The following PTPRC variants were observed in gnomAD, a reference collection of about 807,000 sequenced individuals.
PTPRC encodes the protein protein tyrosine phosphatase receptor type C.
PTPRC carries 44 observed loss-of-function variants against 155.9 expected under a neutral mutation model. The observed-to-expected ratio is 0.28, with a 90% confidence interval of 0.22 to 0.36. The LOEUF is 0.36. Ranked by LOEUF, PTPRC falls within the 10% of genes least tolerant of loss-of-function variation. The probability of loss-of-function intolerance (pLI) is 1.00; values close to 1 mark genes in which losing one functional copy is unlikely to be tolerated. For missense variants in PTPRC, 1,401 were observed against 1,564.6 expected (o/e 0.90, Z 1.76); for synonymous variants, 525 against 533.1 (o/e 0.98, Z 0.21).
intron 2 of PTPRC, among the ~76,000 whole-genome samples, chr1:198,656,980 A>G (rs1461153109): frequency 6.6e-6 from 1 of 151,520 alleles, no homozygotes; most frequent in Non-Finnish European, 1.5e-5. Flanking sequence ...ACTTGTGTTA[A>G]TAGAACATTC....
chr1:198,749,281 A>T, intron 27 of PTPRC, 135 bp from the exon 28 acceptor site: 1 of 856,294 alleles, frequency 1.2e-6, no homozygotes. Context: ...TTTATATAGG[A>T]TCTTATTTCA....
intron 9 of PTPRC, 105 bp downstream of exon 9, chr1:198,707,057 T>C (rs1045398130): frequency 2.2e-6 from 2 of 918,744 alleles, no homozygotes; most frequent in Non-Finnish European, 3.4e-6. Context: ...AGAACAGGGC[T>C]GAGGGAAAGG....
chr1:198,740,271 T>G (rs1292510817), intron 23 of PTPRC, among the ~76,000 whole-genome samples: 1 of 151,822 alleles, frequency 6.6e-6, no homozygotes, highest in Non-Finnish European at 1.5e-5. Context: ...AATAAAATGT[T>G]GTTTTTAAAA....
rs748461280 is a variant in PTPRC, at chr1:198,716,631, G to A, written c.1292-51G>A. 15 of 1,505,264 alleles carry A rather than the reference G, an allele frequency of 1.0e-5. No individual in the cohort carries two copies. In the South Asian group the frequency reaches 1.0e-4, roughly 10 times the overall value. The allele number at this position is 1,505,264 out of a possible 1,614,324, so 93.2% of individuals were successfully genotyped here. On this transcript the variant is annotated intron_variant, in intron 12 of 32. Transcript: ENST00000442510. ...AGAGACCAAATTAATTAGGTACGTG[G>A]TAGTACTGACTTTTAACGACTTACT... is the stretch of plus-strand genomic sequence containing the variant.
At chr1:198,674,557 TATA>T (rs1233204760) in intron 2 of PTPRC, among the ~76,000 whole-genome samples, 2 of 148,416 alleles carry the variant, frequency 1.3e-5, no homozygotes, top group African/African-American at 2.4e-5. Context: ...ATATAACATA[TATA>T]ATAACATATA....
At chr1:198,706,233 G>A (rs955653103) in intron 8 of PTPRC, among the ~76,000 whole-genome samples, 1 of 152,190 alleles carries the variant, frequency 6.6e-6, no homozygotes, top group African/African-American at 2.4e-5. Context: ...TTTTACCCAA[G>A]TTAAGGAAAG....
intron 2 of PTPRC, among the ~76,000 whole-genome samples, chr1:198,687,600 T>A (rs1049611945): frequency 4.7e-5 from 7 of 149,112 alleles, no homozygotes; most frequent in African/African-American, 9.9e-5. Flanking sequence ...AATCATTAGA[T>A]GACTGGGGGG....
intron 2 of PTPRC, among the ~76,000 whole-genome samples, chr1:198,681,479 C>T (rs972459336): frequency 2.6e-5 from 4 of 151,988 alleles, no homozygotes; most frequent in East Asian, 1.9e-4. Flanking sequence ...CTGGTAGGGT[C>T]GTATTTCATA....
intron 14 of PTPRC, among the ~76,000 whole-genome samples, chr1:198,719,001 G>C (rs577110754): frequency 2.6e-5 from 4 of 152,078 alleles, no homozygotes; most frequent in African/African-American, 9.6e-5. Context: ...CTATAACTAT[G>C]TTGGTCTCTA....
intron 2 of PTPRC, among the ~76,000 whole-genome samples, chr1:198,661,434 A>C (rs1663956435): frequency 6.6e-6 from 1 of 151,648 alleles, no homozygotes; most frequent in African/African-American, 2.4e-5. Flanking sequence ...CATTTTTACA[A>C]ATCTTTTAAA....
At chr1:198,697,050 T>C (rs1269332573) in intron 4 of PTPRC, 141 bp downstream of exon 4, 9 of 821,008 alleles carry the variant, frequency 1.1e-5, no homozygotes, top group African/African-American at 8.5e-5. Context: ...TTGCAGGAAA[T>C]TAGTATCTGT....
chr1:198,730,007 G>A (rs1654316329), intron 17 of PTPRC, among the ~76,000 whole-genome samples: 1 of 151,982 alleles, frequency 6.6e-6, no homozygotes, highest in Non-Finnish European at 1.5e-5. Context: ...TTTATGGATT[G>A]GACAAAGAAC....
At chr1:198,679,742 C>T (rs911968633) in intron 2 of PTPRC, 7 of 414,410 alleles carry the variant, frequency 1.7e-5, no homozygotes, top group Non-Finnish European at 3.1e-5. Context: ...ATGGAGATGA[C>T]TGGGCCACTG....
At chr1:198,750,025 ATATTTAT>A (rs1213605788) in intron 28 of PTPRC, among the ~76,000 whole-genome samples, 1 of 143,620 alleles carries the variant, frequency 7.0e-6, no homozygotes, top group East Asian at 2.0e-4. Flanking sequence ...CATTTATTAA[ATATTTAT>A]TATTTATACA....
intron 14 of PTPRC, among the ~76,000 whole-genome samples, chr1:198,720,223 G>A (rs777081327): frequency 1.3e-5 from 2 of 152,082 alleles, no homozygotes; most frequent in African/African-American, 2.4e-5. Context: ...TGGCATAGGC[G>A]TTGGATGACA....
chr1:198,660,030 CATATATATATATATATAT>C (rs34796231), intron 2 of PTPRC, among the ~76,000 whole-genome samples: 9 of 115,924 alleles, frequency 7.8e-5, no homozygotes, highest in African/African-American at 2.7e-4. Flanking sequence ...TATATATGTC[CATATATATATATATATAT>C]ATATATATAT....
Position 198,741,917 on chromosome 1 carries a change from A to T in PTPRC, c.2452A>T (p.Ser818Cys). The stretch of plus-strand genomic sequence containing the variant: ...AGAGGTGACTCACATTCAGTTCACC[A>T]GCTGGCCAGACCACGGGGTGCCTGA... Reference protein sequence around the residue: ...GREVTHIQFTSWPDHGVPEDP... With the variant: ...GREVTHIQFTCWPDHGVPEDP... The change falls in exon 24 of 33, where the codon AGC becomes TGC. Residue 818 changes from serine (S) to cysteine (C), a missense_variant. Ser to Cys is a moderately radical substitution (Grantham distance 112). Around this residue, in one of 3 missense-constraint regions of PTPRC, gnomAD observed 134 missense variants for 204.7 expected, o/e 0.65. Coordinates refer to ENST00000442510, the MANE Select transcript of PTPRC (RefSeq NM_002838.5). The T allele has an allele frequency of 6.2e-7, 1 of 1,612,208 alleles. No individual in the cohort carries two copies. Among genetic ancestry groups the T allele is most frequent in the Non-Finnish European group, 8.5e-7 (1 of 1,179,000 alleles).
intron 26 of PTPRC, among the ~76,000 whole-genome samples, chr1:198,747,557 G>A (rs959747775): frequency 4.0e-5 from 6 of 151,818 alleles, no homozygotes; most frequent in African/African-American, 7.2e-5. Context: ...TTTTACAAGC[G>A]AGAAATGAAG....
chr1:198,735,382 T>C (rs1654588016), intron 23 of PTPRC, 130 bp downstream of exon 23: 1 of 880,126 alleles, frequency 1.1e-6, no homozygotes, highest in Admixed American at 2.9e-5. Context: ...ATGAAAGCTG[T>C]GGTTAGAACA....
Sources: allele counts gnomAD v4.1 joint callset (sites outside exome capture counted in the v4.1 genomes callset), GRCh38; gene constraint gnomAD v4.1.1; regional missense constraint gnomAD v4.1.1; transcripts MANE v1.5; gene names NCBI Gene and HGNC (gene_info 2026-07-23, HGNC 2026-07-21).